The following SIK3 variants were observed in gnomAD, a reference collection of about 807,000 sequenced individuals.
SIK3 encodes the protein serine/threonine-protein kinase SIK3.
A neutral mutation model predicts 144.2 loss-of-function variants in SIK3; 28 were observed. The ratio of observed to expected loss-of-function variants is 0.19; its 90% CI spans 0.14 to 0.27. The LOEUF (loss-of-function observed/expected upper bound fraction) is 0.27. Among genes scored for constraint, SIK3 ranks in the 10% least tolerant of loss-of-function variants. The probability of loss-of-function intolerance (pLI) is 1.00; values close to 1 mark genes in which losing one functional copy is unlikely to be tolerated. For synonymous variants in SIK3, 686 were observed against 676.3 expected (o/e 1.01, Z -0.22); for missense variants, 1,319 against 1,776.0 (o/e 0.74, Z 4.62).
In SIK3 at chr11:116,859,445, G is replaced by A. The variant is rs1227400094; in HGVS notation, c.2585C>T (p.Pro862Leu). 1 of 1,614,238 alleles carries A rather than the reference G, an allele frequency of 6.2e-7. No individual in the cohort carries two copies. The highest frequency in any genetic ancestry group is 8.5e-7 in the Non-Finnish European group (1 of 1,180,048). The change falls in exon 20 of 25, where the codon CCT becomes CTT. Residue 862 changes from proline (P) to leucine (L), a missense_variant. Coordinates refer to ENST00000445177, the MANE Select transcript of SIK3 (RefSeq NM_001366686.3). ...SQQVTIQVQE[P>L]VDMLSNMPGT... ...TGGCATGTTGCTGAGCATGTCAACA[G>A]GCTCTTGGACTTGGATGGTGACCTG...
chr11:117,074,767 A>G (rs931866045), intron 1 of SIK3, among the ~76,000 whole-genome samples: 1 of 151,960 alleles, frequency 6.6e-6, no homozygotes, highest in African/African-American at 2.4e-5. Flanking sequence ...TACTAAAAAT[A>G]CAAAAAAAAA....
intron 1 of SIK3, among the ~76,000 whole-genome samples, chr11:117,095,036 T>G (rs12271628): frequency 0.016 from 2,376 of 152,160 alleles, 60 homozygotes; most frequent in African/African-American, 0.051. Context: ...TCTACTGATT[T>G]TATTCATCCC....
intron 6 of SIK3, among the ~76,000 whole-genome samples, chr11:116,894,659 C>T (rs1409245680): frequency 6.6e-6 from 1 of 152,146 alleles, no homozygotes; most frequent in African/African-American, 2.4e-5. Context: ...AGTTTTATCA[C>T]CAGTAAAATG....
rs371610850 is a variant in SIK3 at position 116,894,765 on chromosome 11, G to A, written c.865+1488C>T. On this transcript the variant is annotated intron_variant, in intron 6 of 24. Coordinates refer to ENST00000445177, the MANE Select transcript of SIK3 (RefSeq NM_001366686.3). ...TGAACAGTGCCTGCCACACATGGTA[G>A]GTAGCATCTCTTGAATCTGATCACT... Among the ~76,000 whole-genome samples the A allele has an allele frequency of 4.9e-4, 75 of 152,276 alleles. 1 individual carries two copies. Among genetic ancestry groups the A allele is most frequent in the African/African-American group, 1.7e-3 (71 of 41,558 alleles).
At chr11:116,900,160 T>C (rs1191498422) in intron 4 of SIK3, among the ~76,000 whole-genome samples, 1 of 152,164 alleles carries the variant, frequency 6.6e-6, no homozygotes, top group Admixed American at 6.5e-5. Context: ...CCCACCATTT[T>C]CCAAAGTCAT....
At chr11:116,896,840 A>G (rs975138378) in intron 5 of SIK3, among the ~76,000 whole-genome samples, 1 of 152,166 alleles carries the variant, frequency 6.6e-6, no homozygotes, top group African/African-American at 2.4e-5. Flanking sequence ...AGCCTGGCCA[A>G]CATGGTGAAA....
At chr11:117,034,454 A>C (rs1480666571) in intron 1 of SIK3, among the ~76,000 whole-genome samples, 1 of 152,202 alleles carries the variant, frequency 6.6e-6, no homozygotes, top group Non-Finnish European at 1.5e-5. Flanking sequence ...TATTTGTAAA[A>C]CACGATGCAC....
chr11:116,862,611 T>G (rs187254796), intron 16 of SIK3, among the ~76,000 whole-genome samples: 82 of 152,334 alleles, frequency 5.4e-4, no homozygotes, highest in Admixed American at 3.0e-3. Context: ...GGAAGCTTGG[T>G]CATCAGGAAG....
intron 1 of SIK3, among the ~76,000 whole-genome samples, chr11:116,993,893 G>A (rs1052660740): frequency 2.0e-5 from 3 of 152,204 alleles, no homozygotes; most frequent in Non-Finnish European, 2.9e-5. Context: ...TCCGAACTGT[G>A]TGGCACACAG....
At chr11:116,989,202 T>TTTTTCCCCGCATGTTCGAA (rs1348529454) in intron 1 of SIK3, among the ~76,000 whole-genome samples, 1 of 152,158 alleles carries the variant, frequency 6.6e-6, no homozygotes, top group Non-Finnish European at 1.5e-5. Flanking sequence ...TCCACTTTTT[T>TTTTTCCCCGCATGTTCGAA]TTTTCCCCGC....
At chr11:117,074,916 G>C (rs190436617) in intron 1 of SIK3, among the ~76,000 whole-genome samples, 1 of 144,234 alleles carries the variant, frequency 6.9e-6, no homozygotes, top group Non-Finnish European at 1.5e-5. Context: ...GACAGAGAGA[G>C]ACTCCGTCTC....
At chr11:116,900,949 C>G (rs545049243) in intron 4 of SIK3, among the ~76,000 whole-genome samples, 72 of 152,062 alleles carry the variant, frequency 4.7e-4, no homozygotes, top group Non-Finnish European at 3.7e-4. Context: ...ACCGCAACCT[C>G]CACCTCCCAG....
At chr11:116,932,431 T>C (rs1366608075) in intron 3 of SIK3, among the ~76,000 whole-genome samples, 1 of 152,330 alleles carries the variant, frequency 6.6e-6, no homozygotes, top group South Asian at 2.1e-4. Flanking sequence ...TGCGTATGTA[T>C]AGTTCTATGT....
At chr11:117,075,293 G>A (rs1433786165) in intron 1 of SIK3, among the ~76,000 whole-genome samples, 2 of 152,110 alleles carry the variant, frequency 1.3e-5, no homozygotes, top group Non-Finnish European at 2.9e-5. Flanking sequence ...GGTAGGCATA[G>A]CATCTCCTCA....
At chr11:116,954,695 C>T (rs957629454) in intron 2 of SIK3, among the ~76,000 whole-genome samples, 1 of 152,096 alleles carries the variant, frequency 6.6e-6, no homozygotes, top group South Asian at 2.1e-4. Context: ...CCCTTTGTTG[C>T]TCCTTTTTAA....
intron 1 of SIK3, among the ~76,000 whole-genome samples, chr11:116,983,813 G>A (rs1468006566): frequency 1.3e-5 from 2 of 152,044 alleles, no homozygotes; most frequent in African/African-American, 2.4e-5. Context: ...GGGCATGAGG[G>A]CTCACACCTG....
At chr11:117,023,621 A>AATATATATATATATATATATATATAT (rs1555131639) in intron 1 of SIK3, among the ~76,000 whole-genome samples, 4 of 95,368 alleles carry the variant, frequency 4.2e-5, no homozygotes, top group South Asian at 3.8e-4. Flanking sequence ...AAAAAAAAAA[A>AATATATATATATATATATATATATAT]ATATATATAT....
intron 1 of SIK3, among the ~76,000 whole-genome samples, chr11:117,040,652 C>T (rs193165402): frequency 3.2e-3 from 494 of 152,152 alleles, no homozygotes; most frequent in African/African-American, 0.011. Flanking sequence ...GAACATTCCA[C>T]ATACAGAATA....
chr11:116,870,094 T>A, intron 14 of SIK3: 1 of 1,496,962 alleles, frequency 6.7e-7, no homozygotes, highest in Non-Finnish European at 8.9e-7. Context: ...AAAGAAAAAG[T>A]TCTTATGGTT....
Sources: gnomAD v4.1 joint callset for allele counts (sites outside exome capture counted in the v4.1 genomes callset) on GRCh38, gnomAD v4.1.1 for gene constraint, MANE v1.5 for transcripts, NCBI Gene and HGNC (gene_info 2026-07-23, HGNC 2026-07-21) for gene names.